The following SFMBT2 variants were observed in gnomAD, a reference collection of about 807,000 sequenced individuals.
The protein encoded by SFMBT2 is Scm like with four mbt domains 2.
In SFMBT2, 38 loss-of-function variants were observed where a neutral mutation model predicts 110.1. The observed-to-expected ratio is 0.35, with a 90% CI of 0.27 to 0.45. The LOEUF (loss-of-function observed/expected upper bound fraction) is 0.45, where lower values mean the gene tolerates loss of function less well. Ranked by LOEUF, SFMBT2 falls within the 20% of genes least tolerant of loss-of-function variation. The pLI is 1.00. For synonymous variants in SFMBT2, 425 were observed against 425.4 expected, an observed-to-expected ratio of 1.00 and a Z score of 0.01; for missense variants, 1,011 against 1,094.9, an observed-to-expected ratio of 0.92 and a Z score of 1.08.
intron 4 of SFMBT2, among the ~76,000 whole-genome samples, chr10:7,306,094 C>T (rs867122363): frequency 2.7e-4 from 41 of 152,208 alleles, no homozygotes; most frequent in Admixed American, 7.2e-4. Flanking sequence ...ATACCTGTAC[C>T]TTAATGTTGC....
chr10:7,187,322 CTT>C lies in SFMBT2; in HGVS notation c.1808+1300_1808+1301del, dbSNP rs1267468616. 2.0e-5 allele frequency among the ~76,000 whole-genome samples: 3 copies of C among 152,176 alleles called. No homozygotes were observed. The East Asian group carries it at 5.8e-4, about 29-fold the overall frequency. On this transcript the variant is annotated intron_variant, in intron 16 of 20. Coordinates refer to ENST00000397167, the MANE Select transcript of SFMBT2 (RefSeq NM_001387889.1). ...TTTCTGCCCCCACTACTACTACAAACTTATAAGAAAATGTGCCACTACTGCTA... is the reference window on the plus strand; with the variant it reads ...TTTCTGCCCCCACTACTACTACAAACATAAGAAAATGTGCCACTACTGCTA...
intron 9 of SFMBT2, among the ~76,000 whole-genome samples, chr10:7,228,720 TTTC>T (rs1467315337): frequency 7.1e-5 from 9 of 126,302 alleles, no homozygotes; most frequent in African/African-American, 3.1e-4. Context: ...TCTTTCTTTC[TTTC>T]TTTCTTTCTT....
chr10:7,372,432 A>G (rs974126368), intron 2 of SFMBT2, among the ~76,000 whole-genome samples: 2 of 152,214 alleles, frequency 1.3e-5, no homozygotes, highest in African/African-American at 4.8e-5. Context: ...TCCAAAAAAG[A>G]AAAAGAAAAA....
intron 9 of SFMBT2, among the ~76,000 whole-genome samples, chr10:7,243,171 G>A (rs11255057): frequency 0.2 from 30,093 of 152,184 alleles, 3,562 homozygotes; most frequent in South Asian, 0.38. Flanking sequence ...AGCTTAGCTC[G>A]CTGGAAATAA....
chr10:7,283,692 C>A (rs1187672189), intron 6 of SFMBT2, among the ~76,000 whole-genome samples: 2 of 152,204 alleles, frequency 1.3e-5, no homozygotes, highest in African/African-American at 4.8e-5. Context: ...TTCCCTAAGG[C>A]CTCTAACATT....
chr10:7,366,720 T>C (rs141293805), intron 4 of SFMBT2, among the ~76,000 whole-genome samples: 2 of 152,220 alleles, frequency 1.3e-5, no homozygotes, highest in East Asian at 3.8e-4. Flanking sequence ...GGGGATCAGA[T>C]GAATTCCTTC....
chr10:7,273,638 C>T lies in SFMBT2; in HGVS notation c.870+3254G>A, dbSNP rs376738076. ...TCCCTCCCCACACCCCACGACAGAC[C>T]CCAGTGTGTGGTGTTCCCAACCCTG... On this transcript the variant is annotated intron_variant, in intron 7 of 20. Transcript: ENST00000397167. 3.3e-5 allele frequency among the ~76,000 whole-genome samples: 5 copies of T among 152,128 alleles called. No homozygotes were observed. The South Asian group carries it at 1.0e-3, about 32-fold the overall frequency.
At chr10:7,392,983 T>TTATATATATATA in intron 1 of SFMBT2, among the ~76,000 whole-genome samples, 1 of 59,962 alleles carries the variant, frequency 1.7e-5, no homozygotes, top group East Asian at 9.8e-4. Context: ...TGTGGATAGA[T>TTATATATATATA]TATATATATA....
chr10:7,384,773 G>C (rs1333247811), intron 1 of SFMBT2, among the ~76,000 whole-genome samples: 1 of 152,188 alleles, frequency 6.6e-6, no homozygotes. Flanking sequence ...ATGATGGACA[G>C]AGCTGCATTC....
At chr10:7,210,764 G>A (rs2762593) in intron 11 of SFMBT2, among the ~76,000 whole-genome samples, 49,370 of 152,120 alleles carry the variant, frequency 0.32, 8,377 homozygotes, top group South Asian at 0.53. Flanking sequence ...GAAGCCCAGC[G>A]CGCAAAGCCT....
At position 7,195,297 on chromosome 10, in the gene SFMBT2, A is replaced by G. The variant is rs112679954; in HGVS notation, c.1698+2251T>C. Among the ~76,000 whole-genome samples the G allele has an allele frequency of 2.8e-3, 422 of 152,272 alleles. 2 individuals are homozygous for G. The highest frequency in any genetic ancestry group is 9.6e-3 in the African/African-American group (401 of 41,556). Reference sequence around the variant, plus strand: ...ATCTCCAATCTGTGCCAATTTATTCACTTAGCATTAACTAGCGGTCCTGCT... The same window carrying G: ...ATCTCCAATCTGTGCCAATTTATTCGCTTAGCATTAACTAGCGGTCCTGCT... On this transcript the variant is annotated intron_variant, in intron 15 of 20. Coordinates refer to ENST00000397167, the MANE Select transcript of SFMBT2 (RefSeq NM_001387889.1).
At chr10:7,283,606 G>A (rs970466808) in intron 6 of SFMBT2, among the ~76,000 whole-genome samples, 1 of 152,162 alleles carries the variant, frequency 6.6e-6, no homozygotes, top group Non-Finnish European at 1.5e-5. Context: ...AAAGAAAAAC[G>A]TGGAGAATAT....
intron 3 of SFMBT2, among the ~76,000 whole-genome samples, chr10:7,368,867 A>G (rs530528195): frequency 6.6e-6 from 1 of 152,358 alleles, no homozygotes; most frequent in South Asian, 2.1e-4. Context: ...TGGTTTTACT[A>G]AACAGCCACA....
chr10:7,329,473 G>A (rs1350787363), intron 4 of SFMBT2: 5 of 985,356 alleles, frequency 5.1e-6, no homozygotes, highest in South Asian at 4.7e-5. Context: ...AATGTGTGTG[G>A]TGAGTTCTGC....
chr10:7,346,072 T>A (rs1004574345), intron 4 of SFMBT2, among the ~76,000 whole-genome samples: 4 of 152,206 alleles, frequency 2.6e-5, no homozygotes, highest in Non-Finnish European at 2.9e-5. Flanking sequence ...AATTCCCTCA[T>A]TCTTCCTTGC....
At chr10:7,333,933 A>G (rs1843639336) in intron 4 of SFMBT2, among the ~76,000 whole-genome samples, 1 of 152,172 alleles carries the variant, frequency 6.6e-6, no homozygotes, top group South Asian at 2.1e-4. Context: ...CAAATAAGTA[A>G]ATAAAATCTG....
chr10:7,351,200 T>C (rs539321881), intron 4 of SFMBT2, among the ~76,000 whole-genome samples: 190 of 152,384 alleles, frequency 1.2e-3, no homozygotes, highest in African/African-American at 4.1e-3. Flanking sequence ...ATAACACACA[T>C]ACACTAGTAC....
intron 7 of SFMBT2, among the ~76,000 whole-genome samples, chr10:7,262,750 G>GTTAA (rs1198971108): frequency 1.3e-5 from 2 of 152,170 alleles, no homozygotes; most frequent in Non-Finnish European, 2.9e-5. Flanking sequence ...GATTTTTATA[G>GTTAA]TTACATTTAT....
intron 4 of SFMBT2, among the ~76,000 whole-genome samples, chr10:7,339,305 C>T (rs544063305): frequency 6.6e-6 from 1 of 152,168 alleles, no homozygotes; most frequent in East Asian, 1.9e-4. Flanking sequence ...AAATAAGTTT[C>T]GATAAAACTG....
Sources: gnomAD v4.1 joint callset for allele counts (sites outside exome capture counted in the v4.1 genomes callset) on GRCh38, gnomAD v4.1.1 for gene constraint, MANE v1.5 for transcripts, NCBI Gene and HGNC (gene_info 2026-07-23, HGNC 2026-07-21) for gene names.